Variants in HS3ST4 observed in about 807,000 individuals in gnomAD.
HS3ST4 encodes the protein heparan sulfate glucosamine 3-O-sulfotransferase 4.
A neutral mutation model predicts 29.2 loss-of-function variants in HS3ST4; 17 were observed. The ratio of observed to expected loss-of-function variants is 0.58; its 90% CI spans 0.40 to 0.87. The LOEUF (loss-of-function observed/expected upper bound fraction) is 0.87, where lower values mean the gene tolerates loss of function less well. Ranked by LOEUF, HS3ST4 falls within the 40% of genes least tolerant of loss-of-function variation. The pLI is 0.00. For synonymous variants in HS3ST4, 314 were observed against 285.7 expected, an observed-to-expected ratio of 1.10 and a Z score of -1.00; for missense variants, 627 against 634.5, an observed-to-expected ratio of 0.99 and a Z score of 0.13.
chr16:26,086,359 C>CTT (rs35484055), intron 1 of HS3ST4, among the ~76,000 whole-genome samples: 101 of 148,932 alleles, frequency 6.8e-4, no homozygotes, highest in East Asian at 2.2e-3. Context: ...CTTTTTTTTT[C>CTT]TTTTTTTTGA....
chr16:25,728,564 A>G (rs1966551861), intron 1 of HS3ST4, among the ~76,000 whole-genome samples: 2 of 152,220 alleles, frequency 1.3e-5, no homozygotes, highest in Non-Finnish European at 2.9e-5. Context: ...ATGATTAGGG[A>G]AGAGAGACTG....
At chr16:26,126,640 T>C (rs1899347792) in intron 1 of HS3ST4, among the ~76,000 whole-genome samples, 1 of 152,174 alleles carries the variant, frequency 6.6e-6, no homozygotes, top group South Asian at 2.1e-4. Context: ...GTTAAACTCG[T>C]GGCTCTCAAC....
At chr16:25,998,978 C>T (rs1969180141) in intron 1 of HS3ST4, among the ~76,000 whole-genome samples, 1 of 152,062 alleles carries the variant, frequency 6.6e-6, no homozygotes, top group Admixed American at 6.5e-5. Context: ...CTGAAGCTTT[C>T]TGAGAAGGTA....
chr16:25,832,457 G>A (rs545340604), intron 1 of HS3ST4, among the ~76,000 whole-genome samples: 48 of 152,228 alleles, frequency 3.2e-4, no homozygotes, highest in African/African-American at 1.1e-3. Flanking sequence ...ACAATGGTTC[G>A]GACTTAATTT....
At chr16:26,069,594 A>C (rs991592888) in intron 1 of HS3ST4, among the ~76,000 whole-genome samples, 7 of 151,772 alleles carry the variant, frequency 4.6e-5, no homozygotes, top group African/African-American at 1.7e-4. Context: ...TCTAGGGTAC[A>C]TGTGCACAAC....
intron 1 of HS3ST4, among the ~76,000 whole-genome samples, chr16:25,786,804 A>G (rs186885854): frequency 1.3e-5 from 2 of 152,304 alleles, no homozygotes; most frequent in East Asian, 3.9e-4. Flanking sequence ...ATACTATTTA[A>G]AAAAAAACCC....
At chr16:25,901,218 T>G (rs2141673395) in intron 1 of HS3ST4, among the ~76,000 whole-genome samples, 1 of 152,298 alleles carries the variant, frequency 6.6e-6, no homozygotes. Context: ...GCCCTAAGAC[T>G]TAGTAGCTGT....
chr16:26,031,284 A>G (rs911538310), intron 1 of HS3ST4, among the ~76,000 whole-genome samples: 4 of 152,156 alleles, frequency 2.6e-5, no homozygotes, highest in African/African-American at 9.7e-5. Context: ...GGGAAGAACC[A>G]GAGAAAGAGA....
At chr16:26,089,390 T>C (rs2141788185) in intron 1 of HS3ST4, among the ~76,000 whole-genome samples, 1 of 152,144 alleles carries the variant, frequency 6.6e-6, no homozygotes, top group East Asian at 1.9e-4. Context: ...GCTTGATTTT[T>C]GCAGTCCATT....
chr16:25,692,416 C>T lies in HS3ST4; in HGVS notation c.-2C>T. The T allele has an allele frequency of 2.9e-6, 3 of 1,017,880 alleles. No individual in the cohort carries two copies. Among genetic ancestry groups the T allele is most frequent in the Non-Finnish European group, 3.6e-6 (3 of 826,328 alleles). The allele number at this position is 1,017,880 out of a possible 1,614,324, so 63.1% of individuals were successfully genotyped here. A position where few individuals can be genotyped will look rare whatever the true frequency, so the allele number is the denominator to read the frequency against. The stretch of plus-strand genomic sequence containing the variant: ...CGCCGCCGCCGCGAGCCGGGAGCCG[C>T]GATGGCCCGGTGGCCCGCACCTCCT... On this transcript the variant is annotated 5_prime_UTR_variant, in exon 1 of 2. Coordinates refer to ENST00000331351, the MANE Select transcript of HS3ST4 (RefSeq NM_006040.3).
At chr16:25,887,871 G>A (rs1056757078) in intron 1 of HS3ST4, among the ~76,000 whole-genome samples, 1 of 151,660 alleles carries the variant, frequency 6.6e-6, no homozygotes, top group African/African-American at 2.4e-5. Flanking sequence ...CTAGTTTTTT[G>A]TATTTTTAGT....
chr16:25,787,767 A>G (rs1358289182), intron 1 of HS3ST4, among the ~76,000 whole-genome samples: 3 of 152,248 alleles, frequency 2.0e-5, no homozygotes, highest in African/African-American at 4.8e-5. Flanking sequence ...AAATAGTTAC[A>G]TTAAGAGAAA....
chr16:25,994,000 G>C (rs1357670074), intron 1 of HS3ST4, among the ~76,000 whole-genome samples: 2 of 145,928 alleles, frequency 1.4e-5, no homozygotes, highest in African/African-American at 5.0e-5. Flanking sequence ...GTGTGTGTGT[G>C]TGTGTGTGGT....
chr16:25,975,425 T>C (rs1464812901), intron 1 of HS3ST4, among the ~76,000 whole-genome samples: 1 of 152,110 alleles, frequency 6.6e-6, no homozygotes, highest in African/African-American at 2.4e-5. Context: ...TTCGGCATAT[T>C]GGTAAGTTTG....
chr16:26,064,204 G>A (rs192562512), intron 1 of HS3ST4, among the ~76,000 whole-genome samples: 1 of 152,296 alleles, frequency 6.6e-6, no homozygotes, highest in Admixed American at 6.5e-5. Context: ...ATACAGGAGG[G>A]AATGCCCAGT....
intron 1 of HS3ST4, among the ~76,000 whole-genome samples, chr16:25,995,637 A>C (rs1030421682): frequency 6.6e-6 from 1 of 152,154 alleles, no homozygotes; most frequent in Non-Finnish European, 1.5e-5. Flanking sequence ...AGAACTGTGA[A>C]TGGGGGTGGA....
intron 1 of HS3ST4, among the ~76,000 whole-genome samples, chr16:25,904,740 TG>T (rs1053546150): frequency 2.0e-5 from 3 of 152,340 alleles, no homozygotes; most frequent in East Asian, 1.9e-4. Flanking sequence ...TGTGCATCTC[TG>T]GGACAGTTAT....
chr16:26,025,583 T>G (rs9928355), intron 1 of HS3ST4, among the ~76,000 whole-genome samples: 2 of 151,996 alleles, frequency 1.3e-5, no homozygotes, highest in Non-Finnish European at 2.9e-5. Flanking sequence ...GATGTGCCAC[T>G]GGTTCTTTAT....
intron 1 of HS3ST4, among the ~76,000 whole-genome samples, chr16:26,081,137 A>G (rs1340293187): frequency 6.6e-6 from 1 of 152,048 alleles, no homozygotes; most frequent in Non-Finnish European, 1.5e-5. Context: ...AAATACAAAA[A>G]TTAGCTGGAC....
Sources: allele counts gnomAD v4.1 joint callset (sites outside exome capture counted in the v4.1 genomes callset), GRCh38; gene constraint gnomAD v4.1.1; transcripts MANE v1.5; gene names NCBI Gene and HGNC (gene_info 2026-07-23, HGNC 2026-07-21).